Variants in DIAPH2 observed in about 807,000 individuals in gnomAD.
DIAPH2 encodes the protein protein diaphanous homolog 2.
Under a neutral mutation model 92.7 loss-of-function variants are expected in DIAPH2, and 35 were observed. The observed-to-expected ratio is 0.38, with a 90% CI of 0.29 to 0.50. The LOEUF is 0.50. DIAPH2 is among the 20% of genes least tolerant of loss of function. The probability of loss-of-function intolerance (pLI) is 0.94; values close to 1 mark genes in which losing one functional copy is unlikely to be tolerated. For missense variants in DIAPH2, 701 were observed against 819.5 expected (o/e 0.86, Z 1.77); for synonymous variants, 301 against 280.4 (o/e 1.07, Z -0.73).
At chrX:97,220,285 T>G (rs1273243374) in intron 22 of DIAPH2, among the ~76,000 whole-genome samples, 2 of 109,516 alleles carry the variant, frequency 1.8e-5, no homozygotes, top group African/African-American at 6.7e-5. Flanking sequence ...AAGTTCTGTT[T>G]TAAAAATTCC....
At chrX:96,807,043 T>A (rs2316742) in intron 4 of DIAPH2, among the ~76,000 whole-genome samples, 1 of 111,162 alleles carries the variant, frequency 9.0e-6, no homozygotes, top group Non-Finnish European at 1.9e-5. Flanking sequence ...CGCCTGGCCC[T>A]GGTTTCTGTT....
At chrX:97,387,221 G>A (rs900634886) in intron 25 of DIAPH2, among the ~76,000 whole-genome samples, 1 of 111,380 alleles carries the variant, frequency 9.0e-6, no homozygotes, top group Non-Finnish European at 1.9e-5. Context: ...GAAAATAGAG[G>A]TTATGAGGAT....
chrX:96,847,161 G>C (rs781549596), intron 4 of DIAPH2, among the ~76,000 whole-genome samples: 4 of 111,651 alleles, frequency 3.6e-5, no homozygotes, highest in Admixed American at 9.6e-5. Context: ...GAGCGGGTGA[G>C]TTACAGTTAT....
chrX:97,416,670 G>A (rs1405571359), intron 25 of DIAPH2, among the ~76,000 whole-genome samples: 1 of 111,827 alleles, frequency 8.9e-6, no homozygotes, highest in African/African-American at 3.3e-5. Context: ...AGGGAGAGTT[G>A]TGGTTATATC....
At chrX:96,976,133 T>C (rs2065960195) in intron 17 of DIAPH2, among the ~76,000 whole-genome samples, 1 of 106,833 alleles carries the variant, frequency 9.4e-6, no homozygotes, top group South Asian at 4.3e-4. Flanking sequence ...AACCTCAGCC[T>C]CCCTGGTAGC....
At chrX:97,067,835 A>T (rs902920760) in intron 17 of DIAPH2, among the ~76,000 whole-genome samples, 12 of 111,468 alleles carry the variant, frequency 1.1e-4, no homozygotes, top group African/African-American at 3.9e-4. Context: ...AATATGCCAC[A>T]ATTTATCCAT....
intron 21 of DIAPH2, among the ~76,000 whole-genome samples, chrX:97,116,300 T>G (rs585145): frequency 0.032 from 3,629 of 111,890 alleles, 141 homozygotes; most frequent in African/African-American, 0.11. Flanking sequence ...TCCTGATATA[T>G]TTTTGAGGGC....
In DIAPH2 at chrX:97,443,303, G is replaced by A. The variant is rs2070278609; in HGVS notation, c.3241+13558G>A. Among the ~76,000 whole-genome samples the A allele has an allele frequency of 9.8e-5, 11 of 111,915 alleles. No homozygotes were observed. In the Admixed American group the frequency reaches 1.0e-3, roughly 11 times the overall value. ...GATAGTGCCTCACCTATTCCGGGAA[G>A]CCTTTTAAAGTTATGCTCAAAGTCA... On this transcript the variant is annotated intron_variant, in intron 26 of 26. Coordinates refer to ENST00000324765, the MANE Select transcript of DIAPH2 (RefSeq NM_006729.5).
intron 17 of DIAPH2, among the ~76,000 whole-genome samples, chrX:97,063,347 T>G (rs1220429404): frequency 8.9e-6 from 1 of 112,019 alleles, no homozygotes; most frequent in East Asian, 2.8e-4. Flanking sequence ...TATGTGTGTG[T>G]GTTTGTTTTT....
At position 97,168,731 on chromosome X, in the gene DIAPH2, G is replaced by C. The variant is rs1178178727; in HGVS notation, c.2719+26937G>C. Among the ~76,000 whole-genome samples the C allele has an allele frequency of 2.7e-5, 3 of 111,908 alleles. No homozygotes were observed. In the Admixed American group the frequency reaches 2.8e-4, roughly 11 times the overall value. On this transcript the variant is annotated intron_variant, in intron 22 of 26. Coordinates refer to ENST00000324765, the MANE Select transcript of DIAPH2 (RefSeq NM_006729.5). ...AAACAACAGAAATTTATTTCTCAGA[G>C]ATCTGGAAGTTGGGAAGCTGCAGAT...
rs180815944 is a variant in DIAPH2, at chrX:96,823,623, G to A, written c.448-57956G>A. ...TTTCCAAATTTTTAACAATGAACTT[G>A]TATTAGTTGTGAAATGAGGCAAAAG... is the stretch of plus-strand genomic sequence containing the variant. On this transcript the variant is annotated intron_variant, in intron 4 of 26. Transcript: ENST00000324765. 3.5e-3 allele frequency among the ~76,000 whole-genome samples: 384 copies of A among 110,771 alleles called. 2 individuals are homozygous for A. Among genetic ancestry groups the A allele is most frequent in the African/African-American group, 0.012 (371 of 30,635 alleles).
At chrX:97,128,774 A>G (rs2067110830) in intron 21 of DIAPH2, among the ~76,000 whole-genome samples, 1 of 112,119 alleles carries the variant, frequency 8.9e-6, no homozygotes, top group South Asian at 3.7e-4. Context: ...TCATACAGTA[A>G]TAGAGCCTTT....
chrX:97,081,159 CATGGTGGAATAATTATGGCATGCTTTT>C (rs2066741179), intron 19 of DIAPH2, among the ~76,000 whole-genome samples: 1 of 112,122 alleles, frequency 8.9e-6, no homozygotes, highest in South Asian at 3.7e-4. Flanking sequence ...TATTTCTCAT[CATGGTGGAATAATTATGGCATGCTTTT>C]GCAGTCTGAA....
chrX:96,869,121 G>T (rs896771661), intron 4 of DIAPH2, among the ~76,000 whole-genome samples: 1 of 110,967 alleles, frequency 9.0e-6, no homozygotes, highest in Admixed American at 9.6e-5. Flanking sequence ...GAATAAATTA[G>T]AAGATAAATG....
At chrX:97,512,388 ATTC>A (rs1334452264) in intron 26 of DIAPH2, among the ~76,000 whole-genome samples, 1 of 111,682 alleles carries the variant, frequency 9.0e-6, no homozygotes, top group Non-Finnish European at 1.9e-5. Context: ...CGTCTATTTG[ATTC>A]TTCTCTCTTT....
intron 22 of DIAPH2, among the ~76,000 whole-genome samples, chrX:97,189,832 G>C (rs1375290936): frequency 8.9e-6 from 1 of 112,703 alleles, no homozygotes; most frequent in Non-Finnish European, 1.9e-5. Context: ...TGCTTAACTA[G>C]GCAGGTATGA....
rs1250222218 is a variant in DIAPH2 at position 96,881,734 on chromosome X, C to T, written c.587+16C>T. 1.7e-6 allele frequency: 2 copies of T among 1,198,876 alleles called. No homozygotes were observed. Among genetic ancestry groups the T allele is most frequent in the East Asian group, 3.0e-5 (1 of 33,439 alleles). ...ATCCGGTCAGGTAAGTCGTTCTTAT[C>T]ATTTCGGTATGATTCATACAATTTG... On this transcript the variant is annotated intron_variant, in intron 5 of 26. Coordinates refer to ENST00000324765, the MANE Select transcript of DIAPH2 (RefSeq NM_006729.5).
intron 22 of DIAPH2, among the ~76,000 whole-genome samples, chrX:97,225,084 A>C (rs1044185653): frequency 9.0e-6 from 1 of 110,503 alleles, no homozygotes; most frequent in Non-Finnish European, 1.9e-5. Context: ...GCAGTTATTT[A>C]CTCTAATTAA....
At chrX:97,411,035 A>G (rs1375782942) in intron 25 of DIAPH2, among the ~76,000 whole-genome samples, 1 of 111,481 alleles carries the variant, frequency 9.0e-6, no homozygotes, top group Non-Finnish European at 1.9e-5. Context: ...CCAACATCCA[A>G]ATTCAGGAAA....
Sources: gnomAD v4.1 joint callset for allele counts (sites outside exome capture counted in the v4.1 genomes callset) on GRCh38, gnomAD v4.1.1 for gene constraint, MANE v1.5 for transcripts, NCBI Gene and HGNC (gene_info 2026-07-23, HGNC 2026-07-21) for gene names.